ASH1L: variants seen among roughly 807,000 people sequenced by gnomAD.
ASH1L encodes ASH1 like histone lysine methyltransferase, also known as histone-lysine N-methyltransferase ASH1L.
Under a neutral mutation model 269.0 loss-of-function variants are expected in ASH1L, and 23 were observed. The ratio of observed to expected loss-of-function variants is 0.09; its 90% CI spans 0.06 to 0.12. ASH1L has a LOEUF of 0.12. Ranked by LOEUF, ASH1L falls within the 10% of genes least tolerant of loss-of-function variation. The probability of loss-of-function intolerance (pLI) is 1.00; values close to 1 mark genes in which losing one functional copy is unlikely to be tolerated. For synonymous variants in ASH1L, 1,187 were observed against 1,253.5 expected, an observed-to-expected ratio of 0.95 and a Z score of 1.12; for missense variants, 2,912 against 3,567.8, an observed-to-expected ratio of 0.82 and a Z score of 4.68.
At chr1:155,546,952 T>C (rs1251755595) in intron 1 of ASH1L, among the ~76,000 whole-genome samples, 6 of 122,456 alleles carry the variant, frequency 4.9e-5, no homozygotes, top group African/African-American at 1.5e-4. Flanking sequence ...ATTCTTTTTT[T>C]TTTTTTTTTT....
intron 3 of ASH1L, among the ~76,000 whole-genome samples, chr1:155,467,095 C>T (rs1664752027): frequency 6.6e-6 from 1 of 152,088 alleles, no homozygotes; most frequent in African/African-American, 2.4e-5. Context: ...TGTTCTATGA[C>T]TTGTAAGCTA....
chr1:155,440,411 C>A (rs1483623439), intron 4 of ASH1L: 1 of 179,068 alleles, frequency 5.6e-6, no homozygotes, highest in African/African-American at 2.4e-5. Flanking sequence ...CTATAATATC[C>A]TTTGATTAAC....
chr1:155,483,770 A>T (rs1045586288), intron 2 of ASH1L, among the ~76,000 whole-genome samples: 1 of 152,042 alleles, frequency 6.6e-6, no homozygotes, highest in Non-Finnish European at 1.5e-5. Context: ...CTGGCTGAAT[A>T]AAGTAAGGTA....
In ASH1L at chr1:155,481,589, T is replaced by C. The variant is rs1224915269; in HGVS notation, c.1281A>G (p.Glu427=). The C allele has an allele frequency of 6.2e-7, 1 of 1,614,062 alleles. No homozygotes were observed. The highest frequency in any genetic ancestry group is 8.5e-7 in the Non-Finnish European group (1 of 1,180,014). ...GCGGTTCCTGAGTGGGGAGCAGTGC[T>C]TCGGCTTTAAGGTTTATGGCATCTT... is the stretch of plus-strand genomic sequence containing the variant. ...ISKDAINLKA[E]ALLPTQEPLK... is the part of the protein sequence containing the mutation. Residue 427 remains glutamate (E), a synonymous_variant, in exon 3 of 28, where the codon GAA becomes GAG. Coordinates refer to ENST00000392403, the MANE Select transcript of ASH1L (RefSeq NM_018489.3).
chr1:155,371,674 G>A (rs1229564725), intron 10 of ASH1L, among the ~76,000 whole-genome samples: 1 of 150,874 alleles, frequency 6.6e-6, no homozygotes, highest in Non-Finnish European at 1.5e-5. Flanking sequence ...AAAAAAAATT[G>A]TGGTAGAATA....
chr1:155,346,579 A>G, intron 20 of ASH1L, 110 bp from the exon 21 acceptor site: 1 of 807,542 alleles, frequency 1.2e-6, no homozygotes, highest in South Asian at 1.5e-5. Flanking sequence ...TAAAAGAGGA[A>G]CTAAGGGATA....
chr1:155,531,588 TTACA>T (rs1669680107), intron 1 of ASH1L, among the ~76,000 whole-genome samples: 1 of 152,166 alleles, frequency 6.6e-6, no homozygotes, highest in Non-Finnish European at 1.5e-5. Context: ...ACACATATTA[TTACA>T]TAAATAGCAG....
At chr1:155,359,676 A>G (rs1398183453) in intron 13 of ASH1L, among the ~76,000 whole-genome samples, 1 of 151,888 alleles carries the variant, frequency 6.6e-6, no homozygotes, top group African/African-American at 2.4e-5. Context: ...CCCGGGCTCA[A>G]GCAATCTTCC....
In ASH1L at chr1:155,482,441, T is replaced by G; in HGVS notation, c.429A>C (p.Ser143=). 6.2e-7 allele frequency: 1 copy of G among 1,607,194 alleles called. No homozygotes were observed. The highest frequency in any genetic ancestry group is 8.5e-7 in the Non-Finnish European group (1 of 1,176,832). Residue 143 remains serine (S), a synonymous_variant, in exon 3 of 28, where the codon TCA becomes TCC. Transcript: ENST00000392403. ...CATCATCTGCTTTCTTGTACAACTT[T>G]GAAGGGTCCTAAAATTTGAACAAGA... ...NEHCPSKRDP[S]KLYKKADDVA...
At chr1:155,408,100 A>G (rs1659444588) in intron 6 of ASH1L, among the ~76,000 whole-genome samples, 1 of 152,206 alleles carries the variant, frequency 6.6e-6, no homozygotes, top group African/African-American at 2.4e-5. Context: ...GCAAGCCACC[A>G]ACCATGAGTT....
chr1:155,562,681 C>T lies in ASH1L; in HGVS notation c.-628G>A. ...ACCTTCGGCCGCCCCGCGCGCCAGC[C>T]AGCCCGTACGCGCTCACCCACAGGA... On this transcript the variant is annotated 5_prime_UTR_variant, in exon 1 of 28. Coordinates refer to ENST00000392403, the MANE Select transcript of ASH1L (RefSeq NM_018489.3). 6.6e-7 allele frequency: 1 copy of T among 1,519,804 alleles called. No homozygotes were observed. The highest frequency in any genetic ancestry group is 1.2e-5 in the South Asian group (1 of 83,742). The allele number at this position is 1,519,804 out of a possible 1,614,324, so 94.1% of individuals were successfully genotyped here.
intron 4 of ASH1L, among the ~76,000 whole-genome samples, chr1:155,440,009 T>C (rs1662420317): frequency 6.6e-6 from 1 of 152,034 alleles, no homozygotes; most frequent in Admixed American, 6.6e-5. Context: ...TGTCTCAATT[T>C]GATATTTAAA....
intron 4 of ASH1L, among the ~76,000 whole-genome samples, chr1:155,441,439 T>G (rs1472338305): frequency 6.7e-6 from 1 of 149,448 alleles, no homozygotes; most frequent in African/African-American, 2.5e-5. Flanking sequence ...CCACCAGATA[T>G]TTGAATAAAG....
At position 155,562,734 on chromosome 1, in the gene ASH1L, C is replaced by T. The variant is rs374122022; in HGVS notation, c.-681G>A. On this transcript the variant is annotated 5_prime_UTR_variant, in exon 1 of 28. Coordinates refer to ENST00000392403, the MANE Select transcript of ASH1L (RefSeq NM_018489.3). ...CCCCTCGTCCAGTCCCTCACTACCC[C>T]TCAGGCCCTGTCAAGCCGGCGCCGG... is the stretch of plus-strand genomic sequence containing the variant. The T allele has an allele frequency of 1.7e-5, 23 of 1,338,748 alleles. No individual in the cohort carries two copies. The South Asian group carries it at 2.9e-4, about 17-fold the overall frequency. 82.9% of individuals were successfully genotyped at this position (1,338,748 alleles called of 1,614,324 possible).
In ASH1L at chr1:155,478,832, T is replaced by C. The variant is rs1250030572; in HGVS notation, c.4038A>G (p.Leu1346=). The change falls in exon 3 of 28, where the codon TTA becomes TTG. Residue 1346 remains leucine (L), a synonymous_variant. Transcript: ENST00000392403. This position sits in a 1 kb window ranked among gnomAD's most constrained non-coding sequence, Gnocchi z 4.6. ...TAGGGGGTCTCCCTCTTTTCTTTTT[T>C]AAGTCAGGTTTTCGAATGTAGTGCA... ...DPLHYIRKPD[L]KKKRGRPPKM... The C allele has an allele frequency of 6.2e-7, 1 of 1,613,950 alleles. No homozygotes were observed. Among genetic ancestry groups the C allele is most frequent in the Admixed American group, 1.7e-5 (1 of 59,976 alleles).
In ASH1L at chr1:155,370,956, G is replaced by A; in HGVS notation, c.6360C>T (p.Asn2120=). The A allele has an allele frequency of 6.2e-7, 1 of 1,614,114 alleles. No homozygotes were observed. The highest frequency in any genetic ancestry group is 1.1e-5 in the South Asian group (1 of 91,086). Residue 2120 remains asparagine, a synonymous_variant, in exon 11 of 28, where the codon AAC becomes AAT. Coordinates refer to ENST00000392403, the MANE Select transcript of ASH1L (RefSeq NM_018489.3). ...AGCATTGCTCGCCACATGGGCAAGT[G>A]TTGGGGGAACACTCAGCAAAGATCA... ...NRMIFAECSP[N]TCPCGEQCCN...
chr1:155,548,644 T>A (rs930863561), intron 1 of ASH1L, among the ~76,000 whole-genome samples: 4 of 152,248 alleles, frequency 2.6e-5, no homozygotes, highest in Admixed American at 1.3e-4. Context: ...CCTCAAATTA[T>A]CAAAAGATTC....
In ASH1L at chr1:155,380,037, CTG is replaced by C. The variant is rs541230713; in HGVS notation, c.6177+4_6177+5del. On this transcript the variant is annotated splice_donor_5th_base_variant and intron_variant, in intron 8 of 27. Coordinates refer to ENST00000392403, the MANE Select transcript of ASH1L (RefSeq NM_018489.3). ...AATGAAACCTGGTAAAACAGGCTCT[CTG>C]TACCTGATTGTGTTTCCACTGCCAA... The C allele has an allele frequency of 1.8e-4, 284 of 1,606,234 alleles. 2 individuals are homozygous for C. The South Asian group carries it at 3.0e-3, about 17-fold the overall frequency.
chr1:155,451,446 G>T (rs959831825), intron 4 of ASH1L, among the ~76,000 whole-genome samples: 4 of 152,040 alleles, frequency 2.6e-5, no homozygotes, highest in Non-Finnish European at 4.4e-5. Flanking sequence ...TAACACTAGT[G>T]AATTAACTGT....
Sources: gnomAD v4.1 joint callset for allele counts (sites outside exome capture counted in the v4.1 genomes callset) on GRCh38, gnomAD v4.1.1 for gene constraint, Gnocchi (gnomAD v3.1) non-coding constraint, MANE v1.5 for transcripts, NCBI Gene and HGNC (gene_info 2026-07-23, HGNC 2026-07-21) for gene names.